Variants in ATP5F1A observed in about 807,000 individuals in gnomAD.
ATP5F1A encodes ATP synthase F1 subunit alpha, also known as ATP synthase F(1) complex subunit alpha, mitochondrial.
A neutral mutation model predicts 57.4 loss-of-function variants in ATP5F1A; 24 were observed. The observed-to-expected ratio is 0.42, with a 90% CI of 0.30 to 0.59. The LOEUF is 0.59. ATP5F1A is among the 20% of genes least tolerant of loss of function. The pLI is 0.19. For missense variants in ATP5F1A, 494 were observed against 707.9 expected, an observed-to-expected ratio of 0.70 and a Z score of 3.43; for synonymous variants, 251 against 255.5, an observed-to-expected ratio of 0.98 and a Z score of 0.17.
rs1049183975 is a variant in ATP5F1A, at chr18:46,095,242, T to C, written c.61-111A>G. On this transcript the variant is annotated intron_variant, in intron 1 of 11. Transcript: ENST00000398752. ...ATCAAAGTACTGGTGAAAATGCTAA[T>C]TACATATAAAGCATTTTGTTTAAAA... 86 of 975,372 alleles carry C rather than the reference T, an allele frequency of 8.8e-5. No individual in the cohort carries two copies. The African/African-American group carries it at 1.3e-3, about 15-fold the overall frequency. 60.4% of individuals were successfully genotyped at this position (975,372 alleles called of 1,614,324 possible). A position where few individuals can be genotyped will look rare whatever the true frequency, so the allele number is the denominator to read the frequency against.
At chr18:46,100,251 T>TAAAAAAAAAAAAAAAAAA (rs34683117), upstream of ATP5F1A, among the ~76,000 whole-genome samples, 24 of 68,586 alleles carry the variant, frequency 3.5e-4, no homozygotes, top group Non-Finnish European at 4.3e-4. Flanking sequence ...AAACTCCATC[T>TAAAAAAAAAAAAAAAAAA]AAAAAAAAAA....
Position 46,089,696 on chromosome 18 carries a change from G to C in ATP5F1A, c.520C>G (p.Leu174Val), listed in dbSNP as rs11541929. 4.8e-5 allele frequency: 77 copies of C among 1,614,190 alleles called. No homozygotes were observed. Among genetic ancestry groups the C allele is most frequent in the East Asian group, 3.8e-4 (17 of 44,886 alleles). ...IGSKTRRRVGLKAPGIIPRIS... is the reference protein window; with the variant it reads ...IGSKTRRRVGVKAPGIIPRIS... Reference sequence around the variant, plus strand: ...CGAGGAATGATACCGGGGGCTTTCAGACCAACTCGCCTACGCGTCTTGGAA... The same window carrying C: ...CGAGGAATGATACCGGGGGCTTTCACACCAACTCGCCTACGCGTCTTGGAA... The change falls in exon 5 of 12, where the codon CTG becomes GTG. Residue 174 changes from leucine to valine, a missense_variant. This residue lies in a region of ATP5F1A where 191 missense variants were observed against 267.7 expected (regional missense o/e 0.71). Transcript: ENST00000398752.
chr18:46,088,022 A>G, intron 6 of ATP5F1A, 87 bp downstream of exon 6: 1 of 1,453,436 alleles, frequency 6.9e-7, no homozygotes, highest in Non-Finnish European at 9.3e-7. Flanking sequence ...AGTAATTAAA[A>G]TATGCCTTCA....
upstream of ATP5F1A, chr18:46,098,402 T>C: frequency 7.4e-7 from 1 of 1,343,270 alleles, no homozygotes; most frequent in Non-Finnish European, 9.6e-7. Flanking sequence ...CTGCATTTTT[T>C]GGCAGGTTAC....
At chr18:46,092,294 A>G (rs2144200949) in intron 2 of ATP5F1A, 1 of 151,350 alleles carries the variant, frequency 6.6e-6, no homozygotes, top group East Asian at 1.9e-4. Context: ...TTTTGTGATC[A>G]TAATAATCCA....
At chr18:46,097,876 G>C in intron 1 of ATP5F1A, 1 of 1,209,648 alleles carries the variant, frequency 8.3e-7, no homozygotes, top group Non-Finnish European at 1.0e-6. Context: ...CCCAAGCCCT[G>C]ACCTTCACCC....
At chr18:46,092,848 T>C (rs566463846) in intron 2 of ATP5F1A, among the ~76,000 whole-genome samples, 2 of 152,228 alleles carry the variant, frequency 1.3e-5, no homozygotes, top group African/African-American at 4.8e-5. Flanking sequence ...TAAAAACATA[T>C]TTTAAAAACC....
chr18:46,100,409 C>T (rs1453941009), upstream of ATP5F1A, among the ~76,000 whole-genome samples: 6 of 151,970 alleles, frequency 3.9e-5, no homozygotes, highest in Non-Finnish European at 7.4e-5. Flanking sequence ...GTCTTTGGTA[C>T]GTCAGAAGAA....
chr18:46,099,934 TCTC>T (rs924091652), upstream of ATP5F1A, among the ~76,000 whole-genome samples: 8 of 152,108 alleles, frequency 5.3e-5, no homozygotes, highest in Middle Eastern at 3.4e-3. Flanking sequence ...GAGCAGCAGT[TCTC>T]CTGGGAATCA....
At position 46,086,808 on chromosome 18, in the gene ATP5F1A, T is replaced by C. The variant is rs8094902; in HGVS notation, c.1176+200A>G. The C allele has an allele frequency of 0.39, 251,432 of 640,504 alleles. 52,163 individuals carry two copies. The highest frequency in any genetic ancestry group is 0.51 in the Middle Eastern group (1,382 of 2,718). The allele number at this position is 640,504 out of a possible 1,614,324, so 39.7% of individuals were successfully genotyped here. On this transcript the variant is annotated intron_variant, in intron 8 of 11. Coordinates refer to ENST00000398752, the MANE Select transcript of ATP5F1A (RefSeq NM_004046.6). ...TTAAAAATGAAACTAGAACGAAACA[T>C]GCTACTCTATGCAATAACTGGGTGA...
upstream of ATP5F1A, chr18:46,098,411 A>C (rs1421741888): frequency 7.4e-7 from 1 of 1,345,784 alleles, no homozygotes; most frequent in Non-Finnish European, 9.5e-7. Flanking sequence ...TTGGCAGGTT[A>C]CTTATTTTTT....
Position 46,091,727 on chromosome 18 carries a change from C to G in ATP5F1A, c.264G>C (p.Arg88Ser). The change falls in exon 3 of 12, where the codon AGG (arginine) becomes AGC (serine). Residue 88 changes from arginine to serine, a missense_variant. Arg to Ser is a moderately radical substitution (Grantham distance 110, BLOSUM62 -1). Coordinates refer to ENST00000398752, the MANE Select transcript of ATP5F1A (RefSeq NM_004046.6). Reference sequence around the variant, plus strand: ...CTACCATTTCTTCTGCTTGAACATTCCTCAGCCCATGTACGCGGGCAATAC... The same window carrying G: ...CTACCATTTCTTCTGCTTGAACATTGCTCAGCCCATGTACGCGGGCAATAC... ...GDGIARVHGL[R>S]NVQAEEMVEF... 6.2e-7 allele frequency: 1 copy of G among 1,613,338 alleles called. No homozygotes were observed. Among genetic ancestry groups the G allele is most frequent in the Non-Finnish European group, 8.5e-7 (1 of 1,179,794 alleles).
Position 46,091,682 on chromosome 18 carries a change from C to A in ATP5F1A, c.309G>T (p.Lys103Asn). ...EEMVEFSSGL[K>N]GMSLNLEPDN... The stretch of plus-strand genomic sequence containing the variant: ...ACCAAAATCTTATTTTATAATTTAC[C>A]TTTAAGCCTGAAGAAAACTCTACCA... The change falls in exon 3 of 12, where the codon AAG (lysine) becomes AAT (asparagine). Residue 103 changes from lysine to asparagine, a missense_variant and splice_region_variant. Lys to Asn is a moderately conservative substitution (Grantham distance 94). This residue lies in a region of ATP5F1A where 142 missense variants were observed against 137.5 expected (regional missense o/e 1.03). Transcript: ENST00000398752. 1 of 1,594,698 alleles carries A rather than the reference C, an allele frequency of 6.3e-7. No individual in the cohort carries two copies. Among genetic ancestry groups the A allele is most frequent in the Non-Finnish European group, 8.5e-7 (1 of 1,172,736 alleles).
At chr18:46,089,365 G>A (rs1910374304) in intron 5 of ATP5F1A, 1 of 612,846 alleles carries the variant, frequency 1.6e-6, no homozygotes, top group South Asian at 2.2e-5. Context: ...TCTACCGACT[G>A]AGCTAGCTCG....
chr18:46,101,063 C>T (rs1011454284), upstream of ATP5F1A, among the ~76,000 whole-genome samples: 4 of 152,012 alleles, frequency 2.6e-5, no homozygotes, highest in African/African-American at 9.7e-5. Flanking sequence ...CAGAGTGAGA[C>T]TCCATCTCAA....
Position 46,087,120 on chromosome 18 carries a change from A to G in ATP5F1A, c.1064T>C (p.Met355Thr). 6.2e-7 allele frequency: 1 copy of G among 1,614,192 alleles called. No homozygotes were observed. Among genetic ancestry groups the G allele is most frequent in the Non-Finnish European group, 8.5e-7 (1 of 1,180,006 alleles). ...HSRLLERAAK[M>T]NDAFGGGSLT... Reference sequence around the variant, plus strand: ...GGAGCCACCACCAAAAGCATCGTTCATTTTGGCTGCTCTCTCCAGCAACCG... The same window carrying G: ...GGAGCCACCACCAAAAGCATCGTTCGTTTTGGCTGCTCTCTCCAGCAACCG... Residue 355 changes from methionine (M) to threonine (T), a missense_variant, in exon 8 of 12, where the codon ATG becomes ACG. Met to Thr is a moderately conservative substitution (Grantham distance 81). Around this residue, in one of 6 missense-constraint regions of ATP5F1A, gnomAD observed 15 missense variants for 16.3 expected, o/e 0.92. Transcript: ENST00000398752.
intron 4 of ATP5F1A, 23 bp downstream of exon 4, chr18:46,089,800 T>C (rs551032899): frequency 1.9e-6 from 3 of 1,609,692 alleles, no homozygotes; most frequent in Admixed American, 1.7e-5. Context: ...GCTGCAACTA[T>C]ATCTAACGAA....
upstream of ATP5F1A, among the ~76,000 whole-genome samples, chr18:46,099,670 G>T (rs1475751873): frequency 6.6e-6 from 1 of 152,050 alleles, no homozygotes; most frequent in Non-Finnish European, 1.5e-5. Context: ...ATGTTGCCCA[G>T]GCTGGTCTCG....
rs918675568 is a variant in ATP5F1A, at chr18:46,081,948, A to T, written c.*2334T>A. ...TGACTTACTGGAGACAGAGAGATGG[A>T]TAAGAATGAAGTTTCGGTACAGCAA... On this transcript the variant is annotated 3_prime_UTR_variant, in exon 12 of 12. Transcript: ENST00000398752. The T allele has an allele frequency of 6.6e-6, 1 of 151,930 alleles. No homozygotes were observed. 9.4% of individuals were successfully genotyped at this position (151,930 alleles called of 1,614,324 possible).
Sources: gnomAD v4.1 joint callset for allele counts (sites outside exome capture counted in the v4.1 genomes callset) on GRCh38, gnomAD v4.1.1 for gene constraint, gnomAD v4.1.1 regional missense constraint, MANE v1.5 for transcripts, NCBI Gene and HGNC (gene_info 2026-07-23, HGNC 2026-07-21) for gene names.